The following SPON1 variants were observed in gnomAD, a reference collection of about 807,000 sequenced individuals.
SPON1 encodes spondin 1, also known as spondin-1.
SPON1 carries 52 observed loss-of-function variants against 111.7 expected under a neutral mutation model. That is an observed-to-expected ratio of 0.47 (90% confidence interval 0.37 to 0.59). SPON1 has a LOEUF of 0.59. SPON1 is among the 20% of genes least tolerant of loss of function. SPON1 has a pLI of 0.00. For synonymous variants in SPON1, 410 were observed against 395.8 expected (o/e 1.04, Z -0.43); for missense variants, 957 against 1,068.5 (o/e 0.90, Z 1.46).
rs1564900173 is a variant in SPON1 at position 14,079,999 on chromosome 11, G to C, written c.654G>C (p.Lys218Asn). 6.2e-7 allele frequency: 1 copy of C among 1,613,942 alleles called. No individual in the cohort carries two copies. Among genetic ancestry groups the C allele is most frequent in the Non-Finnish European group, 8.5e-7 (1 of 1,179,890 alleles). ...CATTTTATGGGAATTGGTCCGAGAAGACACACCCAAAGGATTACCCTCGTG... is the reference window on the plus strand; with the variant it reads ...CATTTTATGGGAATTGGTCCGAGAACACACACCCAAAGGATTACCCTCGTG... ...RLTFYGNWSE[K>N]THPKDYPRRA... The change falls in exon 5 of 16, where the codon AAG becomes AAC. Residue 218 changes from lysine (K) to asparagine (N), a missense_variant. Around this residue, in one of 5 missense-constraint regions of SPON1, gnomAD observed 122 missense variants for 143.2 expected, o/e 0.85. Coordinates refer to ENST00000576479, the MANE Select transcript of SPON1 (RefSeq NM_006108.4).
At chr11:14,193,574 ATTC>A (rs1848370067) in intron 6 of SPON1, among the ~76,000 whole-genome samples, 2 of 152,162 alleles carry the variant, frequency 1.3e-5, no homozygotes, top group Non-Finnish European at 1.5e-5. Context: ...GTGAACTCAC[ATTC>A]AATGTCACTT....
chr11:13,965,800 G>A (rs1296121450), intron 1 of SPON1, among the ~76,000 whole-genome samples: 2 of 152,192 alleles, frequency 1.3e-5, no homozygotes, highest in Non-Finnish European at 2.9e-5. Context: ...GAATAATTAT[G>A]TTAAAAGTAA....
chr11:14,214,496 AG>A (rs1419624957), intron 6 of SPON1, among the ~76,000 whole-genome samples: 3 of 152,208 alleles, frequency 2.0e-5, no homozygotes, highest in African/African-American at 7.2e-5. Flanking sequence ...GAGGAGAAAA[AG>A]ATCCAAGTGA....
chr11:14,163,558 C>A (rs536817359), intron 6 of SPON1, among the ~76,000 whole-genome samples: 4 of 152,130 alleles, frequency 2.6e-5, no homozygotes, highest in Non-Finnish European at 5.9e-5. Flanking sequence ...CCATACCTGG[C>A]AAAGGGCTGG....
chr11:14,006,698 G>A (rs1848364527), intron 2 of SPON1, among the ~76,000 whole-genome samples: 1 of 152,048 alleles, frequency 6.6e-6, no homozygotes, highest in Non-Finnish European at 1.5e-5. Flanking sequence ...TTCTGCCATA[G>A]CCCATAACTT....
At chr11:14,107,003 TAATTA>T (rs1262619569) in intron 5 of SPON1, among the ~76,000 whole-genome samples, 2 of 152,124 alleles carry the variant, frequency 1.3e-5, no homozygotes, top group African/African-American at 4.8e-5. Context: ...AGCAAGAGTT[TAATTA>T]AACTCTGTCT....
At chr11:14,243,920 G>A (rs188315546) in intron 7 of SPON1, among the ~76,000 whole-genome samples, 13 of 152,150 alleles carry the variant, frequency 8.5e-5, no homozygotes, top group African/African-American at 2.4e-4. Context: ...TGGTATATCC[G>A]TCAGGTTTTT....
chr11:14,214,224 G>A (rs1264692436), intron 6 of SPON1, among the ~76,000 whole-genome samples: 8 of 152,176 alleles, frequency 5.3e-5, no homozygotes, highest in Admixed American at 5.2e-4. Flanking sequence ...CTGCGCGTAG[G>A]GCCCCCATCC....
chr11:14,097,208 C>T (rs939958952), intron 5 of SPON1, among the ~76,000 whole-genome samples: 16 of 152,200 alleles, frequency 1.1e-4, no homozygotes, highest in African/African-American at 1.7e-4. Context: ...AAAGGAACAA[C>T]GTTATAAAGT....
At chr11:14,083,019 T>C (rs1448026733) in intron 5 of SPON1, among the ~76,000 whole-genome samples, 1 of 152,234 alleles carries the variant, frequency 6.6e-6, no homozygotes, top group African/African-American at 2.4e-5. Flanking sequence ...ATATGGGTTA[T>C]AGCCATCAAT....
intron 5 of SPON1, among the ~76,000 whole-genome samples, chr11:14,107,616 A>G (rs903184191): frequency 1.3e-5 from 2 of 151,726 alleles, no homozygotes; most frequent in Admixed American, 6.6e-5. Context: ...AAAAAATGAA[A>G]GAGGGCTAGC....
chr11:14,154,000 A>G (rs1847814549), intron 6 of SPON1, among the ~76,000 whole-genome samples: 1 of 152,238 alleles, frequency 6.6e-6, no homozygotes, highest in Non-Finnish European at 1.5e-5. Flanking sequence ...GGCCATACTG[A>G]TGCAAATGAT....
chr11:14,117,759 C>T (rs976219370), intron 5 of SPON1, among the ~76,000 whole-genome samples: 5 of 152,156 alleles, frequency 3.3e-5, no homozygotes, highest in Admixed American at 3.3e-4. Context: ...CACCCAGATC[C>T]TCTAGTTTAT....
intron 6 of SPON1, among the ~76,000 whole-genome samples, chr11:14,236,267 G>A (rs1848866195): frequency 6.6e-6 from 1 of 152,146 alleles, no homozygotes; most frequent in African/African-American, 2.4e-5. Flanking sequence ...GTTGGATCAT[G>A]AAGATATTTT....
rs1554907650 is a variant in SPON1, at chr11:13,962,983, C to T, written c.79C>T (p.Leu27=). Residue 27 remains leucine, a synonymous_variant, in exon 1 of 16, where the codon CTG becomes TTG. Transcript: ENST00000576479. ...CCTGGCGCTGCCCCTGGCCGCGGCG[C>T]TGGCCTTCTCCGACGAGACCCTGGA... ...LALALPLAAA[L]AFSDETLDKV... is the part of the protein sequence containing the mutation. 1 of 1,595,334 alleles carries T rather than the reference C, an allele frequency of 6.3e-7. No homozygotes were observed. The highest frequency in any genetic ancestry group is 2.3e-5 in the East Asian group (1 of 43,482).
chr11:13,970,028 G>A (rs1848050425), intron 1 of SPON1, among the ~76,000 whole-genome samples: 1 of 152,228 alleles, frequency 6.6e-6, no homozygotes, highest in African/African-American at 2.4e-5. Context: ...ATCATTTAAA[G>A]CATTACATTC....
intron 3 of SPON1, among the ~76,000 whole-genome samples, chr11:14,048,764 A>T (rs891058200): frequency 6.6e-6 from 1 of 152,224 alleles, no homozygotes; most frequent in Admixed American, 6.5e-5. Flanking sequence ...AGACCCCACC[A>T]GAAGGAAGTT....
At chr11:14,231,124 T>C (rs1488272341) in intron 6 of SPON1, among the ~76,000 whole-genome samples, 1 of 150,458 alleles carries the variant, frequency 6.6e-6, no homozygotes, top group African/African-American at 2.4e-5. Context: ...CCACTTTTTT[T>C]CTTTTTTTTC....
chr11:14,096,870 T>C (rs557957265), intron 5 of SPON1, among the ~76,000 whole-genome samples: 1 of 152,242 alleles, frequency 6.6e-6, no homozygotes, highest in Non-Finnish European at 1.5e-5. Context: ...ATTCTTAGAC[T>C]CTGTACATGT....
Sources: allele counts gnomAD v4.1 joint callset (sites outside exome capture counted in the v4.1 genomes callset), GRCh38; gene constraint gnomAD v4.1.1; regional missense constraint gnomAD v4.1.1; transcripts MANE v1.5; gene names NCBI Gene and HGNC (gene_info 2026-07-23, HGNC 2026-07-21).